Variants in IL1RAPL1 observed in about 807,000 individuals in gnomAD.
IL1RAPL1 encodes the protein interleukin-1 receptor accessory protein-like 1.
Under a neutral mutation model 48.4 loss-of-function variants are expected in IL1RAPL1, and 3 were observed. That is an observed-to-expected ratio of 0.06 (90% CI 0.03 to 0.16). The LOEUF (loss-of-function observed/expected upper bound fraction) is 0.16, where lower values mean the gene tolerates loss of function less well. Among genes scored for constraint, IL1RAPL1 ranks in the 10% least tolerant of loss-of-function variants. The pLI is 1.00. For synonymous variants in IL1RAPL1, 185 were observed against 187.7 expected, an observed-to-expected ratio of 0.99 and a Z score of 0.12; for missense variants, 349 against 530.6, an observed-to-expected ratio of 0.66 and a Z score of 3.36.
intron 2 of IL1RAPL1, among the ~76,000 whole-genome samples, chrX:29,068,235 G>T (rs1454594514): frequency 8.9e-6 from 1 of 112,313 alleles, no homozygotes; most frequent in Non-Finnish European, 1.9e-5. Flanking sequence ...CCACTGTGTA[G>T]TACCTGAAGT....
chrX:29,131,186 T>C (rs1929013932), intron 2 of IL1RAPL1, among the ~76,000 whole-genome samples: 1 of 111,448 alleles, frequency 9.0e-6, no homozygotes, highest in South Asian at 3.8e-4. Flanking sequence ...GAAAAACATG[T>C]GCAGTTTTCC....
intron 3 of IL1RAPL1, among the ~76,000 whole-genome samples, chrX:29,394,497 A>C (rs1324659477): frequency 8.9e-6 from 1 of 112,219 alleles, no homozygotes; most frequent in Non-Finnish European, 1.9e-5. Context: ...GCTTTGTGCA[A>C]ACCGTTACCT....
intron 1 of IL1RAPL1, among the ~76,000 whole-genome samples, chrX:28,652,024 G>C (rs1395994145): frequency 9.0e-6 from 1 of 111,644 alleles, no homozygotes; most frequent in East Asian, 2.8e-4. Context: ...TTGTAACTTG[G>C]GTGCCTATGT....
chrX:29,147,403 T>A (rs1017638898), intron 2 of IL1RAPL1, among the ~76,000 whole-genome samples: 1 of 111,831 alleles, frequency 8.9e-6, no homozygotes, highest in Admixed American at 9.5e-5. Context: ...ACACAAAAAA[T>A]ATTGTACCCA....
At chrX:29,719,925 C>A (rs1927591094) in intron 6 of IL1RAPL1, among the ~76,000 whole-genome samples, 1 of 110,745 alleles carries the variant, frequency 9.0e-6, no homozygotes, top group African/African-American at 3.3e-5. Flanking sequence ...CTTCTTGAGG[C>A]ACAGTTGGCT....
intron 6 of IL1RAPL1, among the ~76,000 whole-genome samples, chrX:29,791,726 CTT>C (rs1192890486): frequency 1.4e-3 from 106 of 75,331 alleles, no homozygotes; most frequent in East Asian, 0.014. Context: ...GCCCAGCCTT[CTT>C]TTTTTTTTTT....
intron 1 of IL1RAPL1, among the ~76,000 whole-genome samples, chrX:28,714,639 A>G (rs1485503847): frequency 8.9e-6 from 1 of 112,061 alleles, no homozygotes; most frequent in African/African-American, 3.2e-5. Context: ...ATAATCTTAC[A>G]TAAGGAAAGA....
chrX:28,984,589 C>T (rs1330333209), intron 2 of IL1RAPL1, among the ~76,000 whole-genome samples: 1 of 111,612 alleles, frequency 9.0e-6, no homozygotes, highest in Non-Finnish European at 1.9e-5. Context: ...GTTTCTCCTC[C>T]AAATATTTTC....
At chrX:29,498,314 G>A (rs1158826614) in intron 5 of IL1RAPL1, among the ~76,000 whole-genome samples, 1 of 111,262 alleles carries the variant, frequency 9.0e-6, no homozygotes, top group African/African-American at 3.3e-5. Flanking sequence ...AAGGAGGATG[G>A]AAATGTGATT....
chrX:29,668,948 A>G (rs185019367), intron 6 of IL1RAPL1, among the ~76,000 whole-genome samples: 51 of 112,152 alleles, frequency 4.5e-4, no homozygotes, highest in African/African-American at 1.4e-3. Flanking sequence ...GTAATCAAAT[A>G]TAATATAAAT....
chrX:28,656,443 C>G (rs1934747776), intron 1 of IL1RAPL1, among the ~76,000 whole-genome samples: 1 of 111,008 alleles, frequency 9.0e-6, no homozygotes, highest in African/African-American at 3.3e-5. Flanking sequence ...CAGTGCCTTC[C>G]CAGTTGTTTA....
At chrX:29,732,009 A>G (rs1927932070) in intron 6 of IL1RAPL1, among the ~76,000 whole-genome samples, 2 of 112,042 alleles carry the variant, frequency 1.8e-5, no homozygotes, top group Non-Finnish European at 3.8e-5. Flanking sequence ...AAAAGAAGAT[A>G]TATATAGTAT....
At chrX:29,201,849 C>A (rs1479656749) in intron 2 of IL1RAPL1, among the ~76,000 whole-genome samples, 1 of 111,224 alleles carries the variant, frequency 9.0e-6, no homozygotes, top group African/African-American at 3.3e-5. Flanking sequence ...TGCGCCACCA[C>A]GCCTGGCTAA....
chrX:29,035,655 A>G (rs1485212884), intron 2 of IL1RAPL1, among the ~76,000 whole-genome samples: 1 of 111,259 alleles, frequency 9.0e-6, no homozygotes. Context: ...AAAAAATGTT[A>G]ATATAAAAAT....
chrX:29,186,540 G>T (rs918233881), intron 2 of IL1RAPL1, among the ~76,000 whole-genome samples: 2 of 111,586 alleles, frequency 1.8e-5, no homozygotes, highest in African/African-American at 3.2e-5. Context: ...TAAGAAAAAG[G>T]AGGAGGAAAG....
intron 6 of IL1RAPL1, among the ~76,000 whole-genome samples, chrX:29,876,279 C>T (rs895040393): frequency 8.9e-6 from 1 of 111,749 alleles, no homozygotes; most frequent in Non-Finnish European, 1.9e-5. Context: ...ATATGCCAAC[C>T]TCAGAGTGGG....
intron 5 of IL1RAPL1, among the ~76,000 whole-genome samples, chrX:29,643,884 T>G (rs770238613): frequency 8.9e-6 from 1 of 112,076 alleles, no homozygotes; most frequent in Admixed American, 9.5e-5. Context: ...ATGGAACACA[T>G]TTTTTTGTGT....
At chrX:29,915,028 G>A (rs1932786716) in intron 6 of IL1RAPL1, among the ~76,000 whole-genome samples, 1 of 112,291 alleles carries the variant, frequency 8.9e-6, no homozygotes, top group African/African-American at 3.2e-5. Flanking sequence ...GGACGTGGTG[G>A]CTCACGCCTG....
intron 2 of IL1RAPL1, among the ~76,000 whole-genome samples, chrX:29,114,306 T>G (rs1007527630): frequency 8.9e-5 from 10 of 112,335 alleles, no homozygotes; most frequent in African/African-American, 3.2e-4. Context: ...TTAAAGAGCT[T>G]TTCAGTTTTC....
Sources: allele counts gnomAD v4.1 joint callset (sites outside exome capture counted in the v4.1 genomes callset), GRCh38; gene constraint gnomAD v4.1.1; transcripts MANE v1.5; gene names NCBI Gene and HGNC (gene_info 2026-07-23, HGNC 2026-07-21).